TNIK: variants seen among roughly 807,000 people sequenced by gnomAD.
TNIK encodes TRAF2 and NCK interacting kinase.
In TNIK, 49 loss-of-function variants were observed where a neutral mutation model predicts 191.3. The ratio of observed to expected loss-of-function variants is 0.26; its 90% confidence interval spans 0.20 to 0.32. TNIK has a LOEUF of 0.32. Ranked by LOEUF, TNIK falls within the 10% of genes least tolerant of loss-of-function variation. The probability of loss-of-function intolerance (pLI) is 1.00; values close to 1 mark genes in which losing one functional copy is unlikely to be tolerated. For synonymous variants in TNIK, 594 were observed against 600.9 expected (o/e 0.99, Z 0.17); for missense variants, 1,155 against 1,702.3 (o/e 0.68, Z 5.66).
At chr3:171,299,881 G>C (rs1175667321) in intron 2 of TNIK, among the ~76,000 whole-genome samples, 1 of 152,180 alleles carries the variant, frequency 6.6e-6, no homozygotes, top group Non-Finnish European at 1.5e-5. Context: ...AACGTACAAG[G>C]AGACAATTTA....
At position 171,316,891 on chromosome 3, in the gene TNIK, T is replaced by A. The variant is rs1427137371; in HGVS notation, c.123+52729A>T. 1.1e-4 allele frequency among the ~76,000 whole-genome samples: 17 copies of A among 148,946 alleles called. No individual in the cohort carries two copies. In the Admixed American group the frequency reaches 1.1e-3, roughly 10 times the overall value. On this transcript the variant is annotated intron_variant, in intron 2 of 32. Coordinates refer to ENST00000436636, the MANE Select transcript of TNIK (RefSeq NM_015028.4). The stretch of plus-strand genomic sequence containing the variant: ...AGAACTATATACAAGCGATTACATT[T>A]TATAATTACACAATTATATGATATA...
chr3:171,331,825 C>T (rs760939771), intron 2 of TNIK, among the ~76,000 whole-genome samples: 4 of 152,092 alleles, frequency 2.6e-5, no homozygotes, highest in East Asian at 1.9e-4. Flanking sequence ...TTTCTTTGAA[C>T]GCCTCTTTTA....
intron 12 of TNIK, among the ~76,000 whole-genome samples, chr3:171,154,976 G>A (rs1732972837): frequency 6.6e-6 from 1 of 152,144 alleles, no homozygotes; most frequent in South Asian, 2.1e-4. Context: ...AAATCCACAT[G>A]GTTACTCATA....
rs552945544 is a variant in TNIK at position 171,395,120 on chromosome 3, T to C, written c.58-25435A>G. 2.0e-5 allele frequency among the ~76,000 whole-genome samples: 3 copies of C among 152,288 alleles called. No individual in the cohort carries two copies. In the East Asian group the frequency reaches 5.8e-4, roughly 29 times the overall value. On this transcript the variant is annotated intron_variant, in intron 1 of 32. Coordinates refer to ENST00000436636, the MANE Select transcript of TNIK (RefSeq NM_015028.4). ...CTGGGGAAAAGACATGATATTTTTATGAAGTTTATCAAAGGGAGATATGAG... is the reference window on the plus strand; with the variant it reads ...CTGGGGAAAAGACATGATATTTTTACGAAGTTTATCAAAGGGAGATATGAG...
At chr3:171,430,628 C>A (rs1178399288) in intron 1 of TNIK, among the ~76,000 whole-genome samples, 1 of 133,086 alleles carries the variant, frequency 7.5e-6, no homozygotes, top group Non-Finnish European at 1.6e-5. Context: ...CAGAGTGACA[C>A]CTTGTCTCAA....
At position 171,104,236 on chromosome 3, in the gene TNIK, G is replaced by A. The variant is rs542295938; in HGVS notation, c.2407-2603C>T. Among the ~76,000 whole-genome samples, 322 of 152,022 alleles carry A rather than the reference G, an allele frequency of 2.1e-3. 3 individuals are homozygous for A. In the Middle Eastern group the frequency reaches 0.041, roughly 19 times the overall value. The stretch of plus-strand genomic sequence containing the variant: ...TTAGCTGAAGTTTTGTTTCTTATCC[G>A]TCCAGTATTGAAAAATTTATAATAG... On this transcript the variant is annotated intron_variant, in intron 21 of 32. Transcript: ENST00000436636.
At chr3:171,348,861 A>C (rs1434359183) in intron 2 of TNIK, among the ~76,000 whole-genome samples, 2 of 152,140 alleles carry the variant, frequency 1.3e-5, no homozygotes, top group African/African-American at 4.8e-5. Flanking sequence ...GACAAGGGCA[A>C]ATATTTTAAT....
At chr3:171,103,951 T>C (rs1213208227) in intron 21 of TNIK, among the ~76,000 whole-genome samples, 1 of 152,144 alleles carries the variant, frequency 6.6e-6, no homozygotes, top group East Asian at 1.9e-4. Flanking sequence ...TTTCTAAACA[T>C]TGTATTTAGA....
At chr3:171,394,684 T>C (rs1306861070) in intron 1 of TNIK, among the ~76,000 whole-genome samples, 1 of 152,200 alleles carries the variant, frequency 6.6e-6, no homozygotes, top group African/African-American at 2.4e-5. Context: ...GGATTTCAAT[T>C]CTTGTTACTC....
intron 1 of TNIK, among the ~76,000 whole-genome samples, chr3:171,403,880 T>C (rs545941290): frequency 6.6e-6 from 1 of 152,324 alleles, no homozygotes; most frequent in Admixed American, 6.5e-5. Context: ...GCTAACAGTG[T>C]CCAGAGGCTT....
At chr3:171,288,784 G>T (rs1000399188) in intron 2 of TNIK, among the ~76,000 whole-genome samples, 25 of 135,332 alleles carry the variant, frequency 1.8e-4, no homozygotes, top group Non-Finnish European at 2.8e-4. Flanking sequence ...CTCCAGCGTG[G>T]ATGACAGAGC....
intron 2 of TNIK, among the ~76,000 whole-genome samples, chr3:171,275,094 A>C (rs7634152): frequency 0.25 from 38,036 of 152,034 alleles, 4,921 homozygotes; most frequent in South Asian, 0.28. Context: ...CCTCCTCTCC[A>C]TCAACCCAGA....
At chr3:171,305,379 T>G (rs1240896483) in intron 2 of TNIK, among the ~76,000 whole-genome samples, 1 of 152,092 alleles carries the variant, frequency 6.6e-6, no homozygotes, top group Non-Finnish European at 1.5e-5. Context: ...CTAATTAAAT[T>G]AAAGAGCTTC....
At chr3:171,305,377 A>T (rs1187670093) in intron 2 of TNIK, among the ~76,000 whole-genome samples, 1 of 152,204 alleles carries the variant, frequency 6.6e-6, no homozygotes, top group East Asian at 1.9e-4. Context: ...ACCTAATTAA[A>T]TTAAAGAGCT....
At chr3:171,259,113 C>T (rs1238428467) in intron 2 of TNIK, among the ~76,000 whole-genome samples, 1 of 151,840 alleles carries the variant, frequency 6.6e-6, no homozygotes, top group Non-Finnish European at 1.5e-5. Context: ...AGAGAGAGAG[C>T]ATGCACACGA....
chr3:171,363,237 C>A (rs915730468), intron 2 of TNIK, among the ~76,000 whole-genome samples: 1 of 152,120 alleles, frequency 6.6e-6, no homozygotes, highest in Non-Finnish European at 1.5e-5. Context: ...AGAAACCCTG[C>A]CTTACAGTGA....
intron 1 of TNIK, among the ~76,000 whole-genome samples, chr3:171,439,295 G>C (rs1229935937): frequency 6.6e-6 from 1 of 150,934 alleles, no homozygotes; most frequent in Admixed American, 6.6e-5. Flanking sequence ...AGTGAGCTGA[G>C]ATGGTGCCAC....
chr3:171,126,334 A>T (rs896385598), intron 16 of TNIK, among the ~76,000 whole-genome samples, 183 bp from the exon 17 acceptor site: 1 of 152,104 alleles, frequency 6.6e-6, no homozygotes, highest in African/African-American at 2.4e-5. Flanking sequence ...CATTGGAACG[A>T]TATGTAGGGT....
chr3:171,344,323 T>C (rs1492859), intron 2 of TNIK, among the ~76,000 whole-genome samples: 130,981 of 152,178 alleles, frequency 0.86, 56,535 homozygotes, highest in East Asian at 1. Flanking sequence ...TTTCCATAAA[T>C]AAATATTCTT....
Sources: gnomAD v4.1 joint callset for allele counts (sites outside exome capture counted in the v4.1 genomes callset) on GRCh38, gnomAD v4.1.1 for gene constraint, MANE v1.5 for transcripts, NCBI Gene and HGNC (gene_info 2026-07-23, HGNC 2026-07-21) for gene names.